Variants in IGSF10 observed in about 807,000 individuals in gnomAD.
IGSF10 encodes the protein calvaria mechanical force protein 608.
A neutral mutation model predicts 128.2 loss-of-function variants in IGSF10; 126 were observed. The observed-to-expected ratio is 0.98, with a 90% CI of 0.85 to 1.14. IGSF10 has a LOEUF of 1.14. Ranked by LOEUF, IGSF10 falls within the 50% of genes most tolerant of loss-of-function variation. The probability of loss-of-function intolerance (pLI) is 0.00; values close to 1 mark genes in which losing one functional copy is unlikely to be tolerated. For missense variants in IGSF10, 3,295 were observed against 3,149.8 expected (o/e 1.05, Z -1.10); for synonymous variants, 1,185 against 1,146.2 (o/e 1.03, Z -0.68).
chr3:151,436,700 GA>G lies in IGSF10; in HGVS notation c.7860del (p.Gln2621LysfsTer2). ...TTTATTATTTCATGTCAGATTACTT[GA>G]ATATACGTTGCTGCATAATCACTAC... Reference protein sequence around the residue: ...PLGSDYAATYIQVI With the variant: ...PLGSDYAATYXQVI On this transcript the variant is annotated frameshift_variant, in exon 8 of 8. Transcript: ENST00000282466. LOFTEE classifies it high-confidence loss of function. 6.3e-7 allele frequency: 1 copy of G among 1,597,674 alleles called. No individual in the cohort carries two copies. The highest frequency in any genetic ancestry group is 1.1e-5 in the South Asian group (1 of 88,508).
downstream of IGSF10, chr3:151,435,663 G>T (rs560520804): frequency 6.6e-6 from 1 of 152,116 alleles, no homozygotes; most frequent in East Asian, 1.9e-4. Flanking sequence ...AGATGCTGGA[G>T]AAATTACACT....
At chr3:151,514,941 T>C in the IGSF10 span, among the ~76,000 whole-genome samples, 69,923 of 151,998 alleles carry the variant, frequency 0.46, 16,499 homozygotes, top group South Asian at 0.55. Flanking sequence ...CCAGTTAGAA[T>C]GGCGATCATT....
chr3:151,443,532 C>T lies in IGSF10; in HGVS notation c.5415G>A (p.Leu1805=). 6.2e-7 allele frequency: 1 copy of T among 1,614,200 alleles called. No homozygotes were observed. Among genetic ancestry groups the T allele is most frequent in the Non-Finnish European group, 8.5e-7 (1 of 1,180,048 alleles). The stretch of plus-strand genomic sequence containing the variant: ...CATAAATACTGAGATTGTGGAGGAC[C>T]AATGTTCCGTCAACCGTCACCACAG... ...RQAVVTVDGT[L]VLHNLSIYDR... Residue 1805 remains leucine, a synonymous_variant, in exon 7 of 8, where the codon TTG becomes TTA. Coordinates refer to ENST00000282466, the MANE Select transcript of IGSF10 (RefSeq NM_178822.5).
At chr3:151,614,337 C>A in the IGSF10 span, among the ~76,000 whole-genome samples, 1 of 152,098 alleles carries the variant, frequency 6.6e-6, no homozygotes, top group African/African-American at 2.4e-5. Flanking sequence ...ACCCAAAGGA[C>A]TATAAATCAT....
chr3:151,463,355 G>A (rs1722133879), upstream of IGSF10, among the ~76,000 whole-genome samples: 1 of 151,826 alleles, frequency 6.6e-6, no homozygotes, highest in Admixed American at 6.6e-5. Flanking sequence ...GCCTTTATAT[G>A]TATTGCTTAA....
Position 151,446,321 on chromosome 3 carries a change from C to A in IGSF10, c.3660G>T (p.Arg1220Ser). 6.2e-7 allele frequency: 1 copy of A among 1,613,968 alleles called. No homozygotes were observed. The highest frequency in any genetic ancestry group is 8.5e-7 in the Non-Finnish European group (1 of 1,179,878). The change falls in exon 6 of 8, where the codon AGG becomes AGT. Residue 1220 changes from arginine to serine, a missense_variant. Arg to Ser is a moderately radical substitution (Grantham distance 110, BLOSUM62 -1). Transcript: ENST00000282466. ...TTTGTAAACTAACTTTATGTTGATT[C>A]CTTAATCTGCCTTTTGGGTTATGGT... ...VNNHNPKGRL[R>S]NQHKVSLQKS...
chr3:151,432,947 A>G, downstream of IGSF10: 1 of 629,664 alleles, frequency 1.6e-6, no homozygotes, highest in Non-Finnish European at 2.6e-6. Context: ...CTCACAAAAA[A>G]AAAAAAAGGT....
the IGSF10 span, among the ~76,000 whole-genome samples, chr3:151,565,228 T>G: frequency 2.0e-5 from 3 of 152,216 alleles, no homozygotes; most frequent in African/African-American, 7.2e-5. Context: ...TTGAGAACTT[T>G]AAGCAGTACT....
At chr3:151,517,521 C>T in the IGSF10 span, among the ~76,000 whole-genome samples, 3 of 151,850 alleles carry the variant, frequency 2.0e-5, no homozygotes, top group African/African-American at 7.3e-5. Context: ...AAATGGTCTC[C>T]CTTCAACTGA....
At chr3:151,493,193 T>G in the IGSF10 span, among the ~76,000 whole-genome samples, 6 of 152,122 alleles carry the variant, frequency 3.9e-5, no homozygotes, top group African/African-American at 1.4e-4. Flanking sequence ...GTAGCAGATA[T>G]GTAGAATGAA....
At chr3:151,565,674 G>C in the IGSF10 span, among the ~76,000 whole-genome samples, 1 of 152,020 alleles carries the variant, frequency 6.6e-6, no homozygotes, top group African/African-American at 2.4e-5. Context: ...TATATTTTTA[G>C]ACCTACTAAA....
chr3:151,446,609 G>C lies in IGSF10; in HGVS notation c.3372C>G (p.Pro1124=). ...ENKPSVEKTT[P]TIKYFRTEIS... ...TTTCAGTCCTGAAATATTTTATTGT[G>C]GGTGTTGTTTTCTCTACACTGGGTT... The change falls in exon 6 of 8, where the codon CCC becomes CCG. Residue 1124 remains proline (P), a synonymous_variant. Coordinates refer to ENST00000282466, the MANE Select transcript of IGSF10 (RefSeq NM_178822.5). 1 of 1,614,080 alleles carries C rather than the reference G, an allele frequency of 6.2e-7. No homozygotes were observed. The highest frequency in any genetic ancestry group is 8.5e-7 in the Non-Finnish European group (1 of 1,180,014).
chr3:151,492,698 A>C, the IGSF10 span, among the ~76,000 whole-genome samples: 1 of 152,052 alleles, frequency 6.6e-6, no homozygotes, highest in African/African-American at 2.4e-5. Context: ...AGCCTGGGTG[A>C]CAGTACAGGC....
At chr3:151,610,397 T>C in the IGSF10 span, among the ~76,000 whole-genome samples, 23 of 152,296 alleles carry the variant, frequency 1.5e-4, no homozygotes, top group African/African-American at 5.5e-4. Flanking sequence ...AAATGAGTCA[T>C]GGATCAAGCT....
In IGSF10 at chr3:151,445,728, G is replaced by A; in HGVS notation, c.4253C>T (p.Thr1418Ile). Residue 1418 changes from threonine to isoleucine, a missense_variant, in exon 6 of 8, where the codon ACA becomes ATA. Coordinates refer to ENST00000282466, the MANE Select transcript of IGSF10 (RefSeq NM_178822.5). ...TTGGGCTAGTTCTTCAATCACATCT[G>A]TCAGATTAAGAGTTCTTGAATGAAA... The part of the protein sequence containing the change: ...ISFHSRTLNL[T>I]DVIEELAQAS... 1 of 1,614,054 alleles carries A rather than the reference G, an allele frequency of 6.2e-7. No homozygotes were observed. The highest frequency in any genetic ancestry group is 2.2e-5 in the East Asian group (1 of 44,884).
chr3:151,518,391 C>T, the IGSF10 span, among the ~76,000 whole-genome samples: 10 of 151,902 alleles, frequency 6.6e-5, no homozygotes, highest in African/African-American at 9.7e-5. Flanking sequence ...GGAGACTGCT[C>T]GATTCATGAA....
the IGSF10 span, among the ~76,000 whole-genome samples, chr3:151,513,480 A>T: frequency 6.6e-6 from 1 of 152,218 alleles, no homozygotes; most frequent in South Asian, 2.1e-4. Context: ...CAAAATAATA[A>T]GAGCTATCTA....
chr3:151,575,882 A>G, the IGSF10 span, among the ~76,000 whole-genome samples: 1 of 152,178 alleles, frequency 6.6e-6, no homozygotes, highest in African/African-American at 2.4e-5. Flanking sequence ...TTTCATCTTT[A>G]TCAAGGCTTT....
chr3:151,433,467 A>G (rs916869269), downstream of IGSF10: 1 of 152,646 alleles, frequency 6.6e-6, no homozygotes, highest in Non-Finnish European at 1.5e-5. Flanking sequence ...ACCTAAACCA[A>G]GGTTTCTTTG....
Sources: allele counts gnomAD v4.1 joint callset (sites outside exome capture counted in the v4.1 genomes callset), GRCh38; gene constraint gnomAD v4.1.1; transcripts MANE v1.5; gene names NCBI Gene and HGNC (gene_info 2026-07-23, HGNC 2026-07-21).